The following DLG5 variants were observed in gnomAD, a reference collection of about 807,000 sequenced individuals.
DLG5 encodes the protein discs large MAGUK scaffold protein 5, also known as disks large homolog 5.
DLG5 carries 48 observed loss-of-function variants against 189.8 expected under a neutral mutation model. The observed-to-expected ratio is 0.25, with a 90% confidence interval of 0.20 to 0.32. The LOEUF (loss-of-function observed/expected upper bound fraction) is 0.32, where lower values mean the gene tolerates loss of function less well. DLG5 is among the 10% of genes least tolerant of loss of function. DLG5 has a pLI of 1.00. For missense variants in DLG5, 2,160 were observed against 2,544.7 expected (o/e 0.85, Z 3.25); for synonymous variants, 1,016 against 1,054.1 (o/e 0.96, Z 0.70).
Position 77,926,218 on chromosome 10 carries a change from C to G in DLG5, c.303G>C (p.Ala101=). The G allele has an allele frequency of 6.6e-7, 1 of 1,504,122 alleles. No individual in the cohort carries two copies. Among genetic ancestry groups the G allele is most frequent in the African/African-American group, 1.4e-5 (1 of 70,596 alleles). 93.2% of individuals were successfully genotyped at this position (1,504,122 alleles called of 1,614,324 possible). Residue 101 remains alanine (A), a splice_region_variant and synonymous_variant, in exon 1 of 32, where the codon GCG becomes GCC. Transcript: ENST00000372391. This position sits in a 1 kb window ranked among gnomAD's most constrained non-coding sequence, Gnocchi z 5.2. ...GGGGGCCAAGGGTCTGCCACTCACC[C>G]GCGCCTTCGGCGGGCTGCGGCGGCC... ...VVGPPQPAEG[A]GSTYSVLSTM...
chr10:77,828,054 A>G (rs1170379731), intron 13 of DLG5, among the ~76,000 whole-genome samples: 1 of 151,306 alleles, frequency 6.6e-6, no homozygotes, highest in Non-Finnish European at 1.5e-5. Context: ...TTTGGTAACA[A>G]AAAAATTTAA....
intron 2 of DLG5, among the ~76,000 whole-genome samples, chr10:77,861,284 T>A (rs557466754): frequency 1.3e-5 from 2 of 152,354 alleles, no homozygotes; most frequent in East Asian, 3.9e-4. Flanking sequence ...GGCTATTCTA[T>A]GCTATAGTCA....
intron 24 of DLG5, among the ~76,000 whole-genome samples, chr10:77,808,148 T>C (rs1408579536): frequency 6.6e-6 from 1 of 152,218 alleles, no homozygotes; most frequent in Non-Finnish European, 1.5e-5. Context: ...GGACACCAGG[T>C]CCTCTGCCAA....
chr10:77,902,974 T>C (rs888611214), intron 1 of DLG5, among the ~76,000 whole-genome samples: 5 of 151,908 alleles, frequency 3.3e-5, no homozygotes, highest in Admixed American at 2.0e-4. Flanking sequence ...AATAAATAAA[T>C]AAACGAGCCA....
chr10:77,854,824 A>C (rs1844154348), intron 3 of DLG5, among the ~76,000 whole-genome samples: 1 of 151,604 alleles, frequency 6.6e-6, no homozygotes, highest in African/African-American at 2.4e-5. Flanking sequence ...CGCCTCCACA[A>C]AAAAAAATAC....
Position 77,796,329 on chromosome 10 carries a change from T to C in DLG5, c.5308+122A>G. ...AATCTGACCCATGTCAGCAGGCTTC[T>C]GGAACACTGTGAAATCTGCCCCCCG... is the stretch of plus-strand genomic sequence containing the variant. On this transcript the variant is annotated intron_variant, in intron 28 of 31. Transcript: ENST00000372391. The surrounding 1 kb of genome is among the most constrained non-coding windows in gnomAD (Gnocchi z 5.2). The C allele has an allele frequency of 6.3e-7, 1 of 1,584,182 alleles. No individual in the cohort carries two copies. Among genetic ancestry groups the C allele is most frequent in the Non-Finnish European group, 8.6e-7 (1 of 1,161,278 alleles).
In DLG5 at chr10:77,901,282, C is replaced by T. The variant is rs111870869; in HGVS notation, c.304+24935G>A. 8.1e-3 allele frequency among the ~76,000 whole-genome samples: 1,235 copies of T among 152,316 alleles called. 19 individuals are homozygous for T. Among genetic ancestry groups the T allele is most frequent in the African/African-American group, 0.027 (1,120 of 41,560 alleles). ...TCATCCTGACTACTACAGCACAGTA[C>T]GTTTACTTGAAGAAGTGAATAAATG... is the stretch of plus-strand genomic sequence containing the variant. On this transcript the variant is annotated intron_variant, in intron 1 of 31. Coordinates refer to ENST00000372391, the MANE Select transcript of DLG5 (RefSeq NM_004747.4).
chr10:77,935,485 C>T, the DLG5 span, among the ~76,000 whole-genome samples: 1 of 152,140 alleles, frequency 6.6e-6, no homozygotes, highest in Non-Finnish European at 1.5e-5. Context: ...TCTCTGCAGG[C>T]TAAGTGAGCA....
chr10:77,861,534 GTC>G (rs1384347540), intron 2 of DLG5, among the ~76,000 whole-genome samples: 1 of 152,182 alleles, frequency 6.6e-6, no homozygotes, highest in African/African-American at 2.4e-5. Context: ...GTCTCCAGAC[GTC>G]TCAGTCTACA....
At chr10:77,936,446 CA>C in the DLG5 span, among the ~76,000 whole-genome samples, 111 of 52,132 alleles carry the variant, frequency 2.1e-3, no homozygotes, top group African/African-American at 6.6e-3. Context: ...CAAAACAAAA[CA>C]AAAAAAAAAA....
chr10:77,836,553 T>C (rs1251608194), intron 7 of DLG5, among the ~76,000 whole-genome samples: 1 of 152,052 alleles, frequency 6.6e-6, no homozygotes, highest in East Asian at 1.9e-4. Flanking sequence ...AAGCTTCCGT[T>C]CCCTCTAAAG....
rs114200307 is a variant in DLG5 at position 77,796,614 on chromosome 10, A to C, written c.5165-20T>G. On this transcript the variant is annotated intron_variant, in intron 27 of 31. Coordinates refer to ENST00000372391, the MANE Select transcript of DLG5 (RefSeq NM_004747.4). The surrounding 1 kb of genome is among the most constrained non-coding windows in gnomAD (Gnocchi z 5.2). ...CCGAATCTGAGGGAGAGAGAGCAGCAGCGTCACGGACCCAGCTTGGAGTGG... is the reference window on the plus strand; with the variant it reads ...CCGAATCTGAGGGAGAGAGAGCAGCCGCGTCACGGACCCAGCTTGGAGTGG... The C allele has an allele frequency of 6.2e-7, 1 of 1,613,408 alleles. No individual in the cohort carries two copies. The highest frequency in any genetic ancestry group is 1.3e-5 in the African/African-American group (1 of 74,920).
At chr10:77,825,206 A>G (rs955737150) in intron 13 of DLG5, among the ~76,000 whole-genome samples, 20 of 152,272 alleles carry the variant, frequency 1.3e-4, no homozygotes, top group Middle Eastern at 3.4e-3. Context: ...AAAGGACAAC[A>G]TCACAGAGAT....
upstream of DLG5, chr10:77,926,853 T>G (rs916902329): frequency 2.2e-4 from 47 of 209,882 alleles, no homozygotes; most frequent in Non-Finnish European, 3.1e-4. This position sits in a 1 kb window ranked among gnomAD's most constrained non-coding sequence, Gnocchi z 5.2. Flanking sequence ...CCGGGCATGC[T>G]CCCCCTCCCC....
chr10:77,842,994 T>C (rs1843500848), intron 6 of DLG5, among the ~76,000 whole-genome samples: 1 of 152,142 alleles, frequency 6.6e-6, no homozygotes, highest in African/African-American at 2.4e-5. Flanking sequence ...CAAAACACTG[T>C]TTGAGGGCAT....
Position 77,926,506 on chromosome 10 carries a change from G to C in DLG5, c.15C>G (p.Arg5=). ...GCTGACACTGGGCGAGCAGCTCCCGGCGCTGGGGCTCCATGGTGGCGGGCC... is the reference window on the plus strand; with the variant it reads ...GCTGACACTGGGCGAGCAGCTCCCGCCGCTGGGGCTCCATGGTGGCGGGCC... The part of the protein sequence containing the change: MEPQ[R]RELLAQCQQS... Residue 5 remains arginine, a synonymous_variant, in exon 1 of 32, where the codon CGC becomes CGG. Coordinates refer to ENST00000372391, the MANE Select transcript of DLG5 (RefSeq NM_004747.4). This position sits in a 1 kb window ranked among gnomAD's most constrained non-coding sequence, Gnocchi z 5.2. The C allele has an allele frequency of 7.4e-7, 1 of 1,350,508 alleles. No homozygotes were observed. Among genetic ancestry groups the C allele is most frequent in the Non-Finnish European group, 9.5e-7 (1 of 1,047,766 alleles). The allele number at this position is 1,350,508 out of a possible 1,614,324, so 83.7% of individuals were successfully genotyped here. A position where few individuals can be genotyped will look rare whatever the true frequency, so the allele number is the denominator to read the frequency against.
chr10:77,934,182 C>A, the DLG5 span, among the ~76,000 whole-genome samples: 2 of 151,824 alleles, frequency 1.3e-5, no homozygotes, highest in Admixed American at 1.3e-4. Flanking sequence ...ACCAGCCTGA[C>A]CAACATGGAG....
chr10:77,916,629 C>G lies in DLG5; in HGVS notation c.304+9588G>C, dbSNP rs561856356. On this transcript the variant is annotated intron_variant, in intron 1 of 31. Transcript: ENST00000372391. ...TAGAAGAAAAAAAGGAAAGAAAATG[C>G]TATCCACCCCCATGTCAGGGTGCTG... is the stretch of plus-strand genomic sequence containing the variant. 2.0e-4 allele frequency among the ~76,000 whole-genome samples: 31 copies of G among 152,166 alleles called. No homozygotes were observed. In the South Asian group the frequency reaches 6.4e-3, roughly 32 times the overall value.
chr10:77,806,718 A>AGGCCCCC, intron 26 of DLG5, 40 bp downstream of exon 26: 113 of 1,333,508 alleles, frequency 8.5e-5, no homozygotes, highest in Non-Finnish European at 1.1e-4. Flanking sequence ...GCCCTCGGCG[A>AGGCCCCC]CCCCTGCCCC....
Sources: gnomAD v4.1 joint callset for allele counts (sites outside exome capture counted in the v4.1 genomes callset) on GRCh38, gnomAD v4.1.1 for gene constraint, Gnocchi (gnomAD v3.1) non-coding constraint, MANE v1.5 for transcripts, NCBI Gene and HGNC (gene_info 2026-07-23, HGNC 2026-07-21) for gene names.